Variants in DIP2C observed in about 807,000 individuals in gnomAD.
DIP2C encodes the protein disco-interacting protein 2 homolog C.
A neutral mutation model predicts 192.4 loss-of-function variants in DIP2C; 33 were observed. The observed-to-expected ratio is 0.17, with a 90% confidence interval of 0.13 to 0.23. The LOEUF (loss-of-function observed/expected upper bound fraction) is 0.23, where lower values mean the gene tolerates loss of function less well. Among genes scored for constraint, DIP2C ranks in the 10% least tolerant of loss-of-function variants. The probability of loss-of-function intolerance (pLI) is 1.00; values close to 1 mark genes in which losing one functional copy is unlikely to be tolerated. For synonymous variants in DIP2C, 979 were observed against 864.1 expected, an observed-to-expected ratio of 1.13 and a Z score of -2.33; for missense variants, 1,537 against 2,110.1, an observed-to-expected ratio of 0.73 and a Z score of 5.32.
chr10:667,497 C>T, intron 1 of DIP2C: 1 of 152,360 alleles, frequency 6.6e-6, no homozygotes, highest in East Asian at 1.9e-4. Flanking sequence ...TCACATACAA[C>T]ACAACATGCA....
chr10:403,967 G>T (rs1964609302), intron 9 of DIP2C, among the ~76,000 whole-genome samples: 1 of 101,866 alleles, frequency 9.8e-6, no homozygotes, highest in African/African-American at 3.8e-5. Context: ...CTTCCTTATG[G>T]ACAAGTTTGG....
In DIP2C at chr10:378,815, GA is replaced by G. The variant is rs1589656173; in HGVS notation, c.1991+3831del. Among the ~76,000 whole-genome samples the G allele has an allele frequency of 1.2e-3, 50 of 42,682 alleles. 1 individual carries two copies. In the East Asian group the frequency reaches 0.045, roughly 38 times the overall value. 28.0% of individuals were successfully genotyped at this position (42,682 alleles called of 152,430 possible). ...CATGGACATGCATAAAGACACAAAT[GA>G]ACAGACATGCACAGATGTGAACAGA... is the stretch of plus-strand genomic sequence containing the variant. On this transcript the variant is annotated intron_variant, in intron 17 of 36. Coordinates refer to ENST00000280886, the MANE Select transcript of DIP2C (RefSeq NM_014974.3).
At chr10:339,876 TAA>T (rs1161879167) in intron 29 of DIP2C, among the ~76,000 whole-genome samples, 1 of 152,212 alleles carries the variant, frequency 6.6e-6, no homozygotes. Flanking sequence ...AGTCACACAT[TAA>T]AAATATTTGT....
At chr10:411,385 GTAGTC>G (rs1217361931) in intron 8 of DIP2C, among the ~76,000 whole-genome samples, 1 of 152,188 alleles carries the variant, frequency 6.6e-6, no homozygotes, top group Non-Finnish European at 1.5e-5. Context: ...AATGCCACGG[GTAGTC>G]TAAAGTGGAA....
intron 1 of DIP2C, among the ~76,000 whole-genome samples, chr10:604,456 C>T (rs192316498): frequency 7.2e-5 from 11 of 152,288 alleles, no homozygotes; most frequent in South Asian, 4.1e-4. Context: ...ACATCTGAGT[C>T]GGAGAGGCCA....
chr10:533,746 G>A (rs752936161), intron 1 of DIP2C, among the ~76,000 whole-genome samples: 1 of 151,758 alleles, frequency 6.6e-6, no homozygotes, highest in Non-Finnish European at 1.5e-5. Context: ...CCCTGCACAC[G>A]GAGATAAATG....
intron 3 of DIP2C, among the ~76,000 whole-genome samples, chr10:458,550 C>T (rs1342943694): frequency 6.6e-6 from 1 of 150,566 alleles, no homozygotes; most frequent in Non-Finnish European, 1.5e-5. Context: ...TCACCGGCAG[C>T]GTGTGACGGA....
rs541758206 is a variant in DIP2C at position 637,747 on chromosome 10, A to G, written c.85+51747T>C. On this transcript the variant is annotated intron_variant, in intron 1 of 36. Transcript: ENST00000280886. ...TACAAAGTCTCAAGATAAAATCAAA[A>G]CAAAGAGGTCTTCAGAGGAGTCAAT... Among the ~76,000 whole-genome samples, 22 of 152,322 alleles carry G rather than the reference A, an allele frequency of 1.4e-4. No homozygotes were observed. The South Asian group carries it at 4.6e-3, about 32-fold the overall frequency.
chr10:462,199 CAG>C (rs1378736078), intron 3 of DIP2C, among the ~76,000 whole-genome samples: 1 of 151,658 alleles, frequency 6.6e-6, no homozygotes, highest in East Asian at 1.9e-4. Context: ...ATGAAGGAGA[CAG>C]AGACACGAAA....
chr10:366,465 T>G, intron 18 of DIP2C, 54 bp from the exon 19 acceptor site: 1 of 1,610,136 alleles, frequency 6.2e-7, no homozygotes, highest in Non-Finnish European at 8.5e-7. Flanking sequence ...GTGGGGAGAA[T>G]AAAGGAAACA....
At chr10:524,548 T>A (rs1846934275) in intron 1 of DIP2C, among the ~76,000 whole-genome samples, 1 of 152,222 alleles carries the variant, frequency 6.6e-6, no homozygotes. Flanking sequence ...AAACCATAGT[T>A]GAGATTTCAA....
chr10:409,688 A>T (rs1965057694), intron 8 of DIP2C, among the ~76,000 whole-genome samples: 1 of 152,216 alleles, frequency 6.6e-6, no homozygotes, highest in African/African-American at 2.4e-5. Context: ...CGTGAATGTG[A>T]GCAACACAGA....
At chr10:378,626 CGAACACAGACATGCATAAAGACACACAT>C in intron 17 of DIP2C, among the ~76,000 whole-genome samples, 1 of 147,274 alleles carries the variant, frequency 6.8e-6, no homozygotes. Context: ...TAAAGACACA[CGAACACAGACATGCATAAAGACACACAT>C]GAACAGATAT....
intron 1 of DIP2C, among the ~76,000 whole-genome samples, chr10:547,593 CATG>C (rs1376055146): frequency 3.3e-5 from 5 of 152,130 alleles, no homozygotes; most frequent in African/African-American, 9.7e-5. Context: ...CAGTCTCTGT[CATG>C]AGCTTTAGCA....
chr10:578,670 T>C (rs1564221060), intron 1 of DIP2C, among the ~76,000 whole-genome samples: 1 of 152,228 alleles, frequency 6.6e-6, no homozygotes, highest in Non-Finnish European at 1.5e-5. Context: ...AGGGGCCCTA[T>C]TCCTGTTGCC....
intron 32 of DIP2C, among the ~76,000 whole-genome samples, chr10:307,831 CCGGCACACAG>C (rs1956394310): frequency 1.3e-5 from 2 of 149,938 alleles, no homozygotes; most frequent in Admixed American, 6.6e-5. Flanking sequence ...TGGGCGGGGC[CCGGCACACAG>C]TCCATCTGGA....
intron 3 of DIP2C, among the ~76,000 whole-genome samples, chr10:445,511 A>C (rs1406372972): frequency 6.6e-6 from 1 of 151,396 alleles, no homozygotes; most frequent in Non-Finnish European, 1.5e-5. Flanking sequence ...TCTATCTTGC[A>C]CTGGGCATCT....
intron 17 of DIP2C, 189 bp from the exon 18 acceptor site, chr10:369,822 G>A (rs779718855): frequency 1.6e-5 from 21 of 1,299,630 alleles, no homozygotes; most frequent in Non-Finnish European, 2.2e-5. Flanking sequence ...CTGGCAGCGA[G>A]TCTACTGCTT....
chr10:311,569 A>G (rs2132329845), intron 31 of DIP2C: 1 of 1,232,566 alleles, frequency 8.1e-7, no homozygotes, highest in East Asian at 3.2e-5. Flanking sequence ...CTGTGAGGCT[A>G]CAGCAGCAGA....
Sources: gnomAD v4.1 joint callset for allele counts (sites outside exome capture counted in the v4.1 genomes callset) on GRCh38, gnomAD v4.1.1 for gene constraint, MANE v1.5 for transcripts, NCBI Gene and HGNC (gene_info 2026-07-23, HGNC 2026-07-21) for gene names.